Variants in S100Z observed in about 807,000 individuals in gnomAD.
S100Z encodes the protein S100 calcium binding protein Z, also known as protein S100-Z.
Under a neutral mutation model 8.5 loss-of-function variants are expected in S100Z, and 11 were observed. The observed-to-expected ratio is 1.30, with a 90% CI of 0.82 to 2.15. S100Z has a LOEUF of 2.15. Ranked by LOEUF, S100Z falls within the 30% of genes most tolerant of loss-of-function variation. The pLI is 0.00. For missense variants in S100Z, 126 were observed against 117.9 expected (o/e 1.07, Z -0.32); for synonymous variants, 34 against 43.8 (o/e 0.78, Z 0.89).
intron 4 of S100Z, among the ~76,000 whole-genome samples, chr5:76,890,940 G>T (rs1743835171): frequency 1.3e-5 from 2 of 152,182 alleles, no homozygotes; most frequent in Non-Finnish European, 2.9e-5. Flanking sequence ...TCGGCTCACT[G>T]CAACCTTCGC....
chr5:76,920,026 C>T (rs1322259935), intron 4 of S100Z, among the ~76,000 whole-genome samples: 6 of 151,822 alleles, frequency 4.0e-5, no homozygotes, highest in Non-Finnish European at 7.4e-5. Flanking sequence ...CCCCCTGCCT[C>T]AGCTTCCCAA....
downstream of S100Z, among the ~76,000 whole-genome samples, chr5:76,922,643 C>G (rs1745068374): frequency 6.6e-6 from 1 of 152,198 alleles, no homozygotes; most frequent in Non-Finnish European, 1.5e-5. Flanking sequence ...CCTGCCTCAG[C>G]CTCCCGAGTA....
intron 4 of S100Z, among the ~76,000 whole-genome samples, chr5:76,911,556 A>T (rs971939487): frequency 1.1e-4 from 16 of 152,140 alleles, no homozygotes; most frequent in Admixed American, 8.5e-4. Flanking sequence ...GATAGCCCTC[A>T]CCTGTTTGGT....
the S100Z span, among the ~76,000 whole-genome samples, chr5:76,937,752 CAAAAA>C: frequency 1.2e-4 from 9 of 73,360 alleles, no homozygotes; most frequent in African/African-American, 1.5e-4. Flanking sequence ...GACCCTGTCT[CAAAAA>C]AAAAAAAAAA....
chr5:76,893,609 T>G (rs558548862), intron 4 of S100Z, among the ~76,000 whole-genome samples: 17 of 152,146 alleles, frequency 1.1e-4, no homozygotes, highest in Non-Finnish European at 2.1e-4. Flanking sequence ...TCTAAACCAT[T>G]GAGACAATTA....
chr5:76,868,623 C>CT (rs35398110), intron 1 of S100Z, among the ~76,000 whole-genome samples: 43,446 of 122,732 alleles, frequency 0.35, 8,740 homozygotes, highest in East Asian at 0.66. Context: ...AATTCAAACT[C>CT]TTTTTTTTTT....
chr5:76,919,836 T>C (rs1010605805), intron 4 of S100Z, among the ~76,000 whole-genome samples: 4 of 151,808 alleles, frequency 2.6e-5, no homozygotes, highest in Admixed American at 2.6e-4. Context: ...ACTCCTGGGC[T>C]CAAGTGATCC....
chr5:76,875,734 A>G (rs1432954461), intron 3 of S100Z, among the ~76,000 whole-genome samples: 1 of 152,088 alleles, frequency 6.6e-6, no homozygotes, highest in African/African-American at 2.4e-5. Flanking sequence ...TAAAAATTGT[A>G]TTTTTGACTT....
intron 1 of S100Z, among the ~76,000 whole-genome samples, chr5:76,851,980 T>G (rs1468238396): frequency 6.6e-6 from 1 of 152,076 alleles, no homozygotes; most frequent in Non-Finnish European, 1.5e-5. Flanking sequence ...TGGGTTTTGG[T>G]GGGTTTTGTT....
chr5:76,862,261 G>C (rs756232691), intron 1 of S100Z, among the ~76,000 whole-genome samples: 30 of 152,068 alleles, frequency 2.0e-4, no homozygotes, highest in Non-Finnish European at 3.5e-4. Flanking sequence ...GGTAATGAAG[G>C]GTTGGGGCAT....
chr5:76,908,956 G>A (rs1482792965), intron 4 of S100Z, among the ~76,000 whole-genome samples: 1 of 152,148 alleles, frequency 6.6e-6, no homozygotes, highest in African/African-American at 2.4e-5. Context: ...AGATTTTTGA[G>A]AATGCATCAG....
the S100Z span, among the ~76,000 whole-genome samples, chr5:76,939,693 A>C: frequency 6.6e-6 from 1 of 150,734 alleles, no homozygotes; most frequent in Non-Finnish European, 1.5e-5. Flanking sequence ...TTGTATTTTT[A>C]GTAGAGACCA....
At chr5:76,858,918 T>G (rs1358997298) in intron 1 of S100Z, among the ~76,000 whole-genome samples, 1 of 151,792 alleles carries the variant, frequency 6.6e-6, no homozygotes, top group Non-Finnish European at 1.5e-5. Flanking sequence ...TGAGACCAGC[T>G]TGGCCAACAT....
intron 4 of S100Z, among the ~76,000 whole-genome samples, chr5:76,918,201 G>A (rs1744914137): frequency 6.6e-6 from 1 of 151,982 alleles, no homozygotes; most frequent in Non-Finnish European, 1.5e-5. Flanking sequence ...TTTGTCGTTA[G>A]AATAGGGTTT....
At chr5:76,894,371 G>T (rs1212895872) in intron 4 of S100Z, among the ~76,000 whole-genome samples, 1 of 152,138 alleles carries the variant, frequency 6.6e-6, no homozygotes, top group African/African-American at 2.4e-5. Flanking sequence ...ACCACCTTGG[G>T]CACATGTTCT....
At chr5:76,864,642 G>A (rs373510292) in intron 1 of S100Z, among the ~76,000 whole-genome samples, 3 of 151,842 alleles carry the variant, frequency 2.0e-5, no homozygotes, top group East Asian at 1.9e-4. Context: ...GAGCTCAAGC[G>A]AGCCACCCGC....
At chr5:76,910,780 G>C (rs925989247) in intron 4 of S100Z, among the ~76,000 whole-genome samples, 3 of 152,158 alleles carry the variant, frequency 2.0e-5, no homozygotes, top group Non-Finnish European at 2.9e-5. Context: ...ACTTCCTCCT[G>C]GACACTGGCG....
At chr5:76,868,814 G>A (rs1259128582) in intron 1 of S100Z, among the ~76,000 whole-genome samples, 2 of 151,906 alleles carry the variant, frequency 1.3e-5, no homozygotes, top group African/African-American at 4.8e-5. Flanking sequence ...AGTAGAGACG[G>A]GGTTTCACCG....
At chr5:76,936,072 C>T in the S100Z span, among the ~76,000 whole-genome samples, 13 of 152,016 alleles carry the variant, frequency 8.6e-5, no homozygotes, top group South Asian at 2.1e-4. Context: ...CCACCGTGCC[C>T]GGCCAAAATA....
Sources: gnomAD v4.1 joint callset for allele counts (sites outside exome capture counted in the v4.1 genomes callset) on GRCh38, gnomAD v4.1.1 for gene constraint, MANE v1.5 for transcripts, NCBI Gene and HGNC (gene_info 2026-07-23, HGNC 2026-07-21) for gene names.